KIAA1328: variants seen among roughly 807,000 people sequenced by gnomAD.
KIAA1328 encodes protein hinderin.
KIAA1328 carries 52 observed loss-of-function variants against 68.1 expected under a neutral mutation model. The ratio of observed to expected loss-of-function variants is 0.76; its 90% CI spans 0.61 to 0.96. The LOEUF (loss-of-function observed/expected upper bound fraction) is 0.96. Ranked by LOEUF, KIAA1328 falls within the 40% of genes least tolerant of loss-of-function variation. The pLI, the probability that KIAA1328 is intolerant of heterozygous loss-of-function variation, is 0.00. For missense variants in KIAA1328, 641 were observed against 677.6 expected, an observed-to-expected ratio of 0.95 and a Z score of 0.60; for synonymous variants, 232 against 239.4, an observed-to-expected ratio of 0.97 and a Z score of 0.28.
At chr18:37,171,860 G>T (rs1025479300) in intron 8 of KIAA1328, among the ~76,000 whole-genome samples, 1 of 152,158 alleles carries the variant, frequency 6.6e-6, no homozygotes, top group Non-Finnish European at 1.5e-5. Flanking sequence ...AGTGAGCTGG[G>T]ATTGCACCAC....
chr18:36,993,061 G>A (rs1021789242), intron 6 of KIAA1328, among the ~76,000 whole-genome samples: 5 of 152,094 alleles, frequency 3.3e-5, no homozygotes, highest in Non-Finnish European at 7.4e-5. Context: ...AGCTGAGATC[G>A]TAACACTGCA....
intron 6 of KIAA1328, among the ~76,000 whole-genome samples, chr18:37,002,217 C>CTT: frequency 8.3e-6 from 1 of 120,484 alleles, no homozygotes; most frequent in Admixed American, 1.0e-4. Context: ...TCTTTTTCTT[C>CTT]ATTTTTTTTT....
chr18:37,102,432 G>A (rs1391638250), intron 7 of KIAA1328, among the ~76,000 whole-genome samples: 1 of 152,106 alleles, frequency 6.6e-6, no homozygotes, highest in Non-Finnish European at 1.5e-5. Context: ...CTTAAAAGTT[G>A]AAGGAAAATG....
intron 6 of KIAA1328, among the ~76,000 whole-genome samples, chr18:36,973,365 C>A (rs1441768527): frequency 1.3e-5 from 2 of 151,948 alleles, no homozygotes; most frequent in African/African-American, 4.8e-5. Flanking sequence ...AGGAGGTATA[C>A]CTAATGTAAA....
Position 37,173,078 on chromosome 18 carries a change from C to A in KIAA1328, c.1520C>A (p.Ser507Tyr). 6.2e-7 allele frequency: 1 copy of A among 1,604,878 alleles called. No individual in the cohort carries two copies. The highest frequency in any genetic ancestry group is 8.5e-7 in the Non-Finnish European group (1 of 1,173,528). Residue 507 changes from serine to tyrosine, a missense_variant, in exon 9 of 10, where the codon TCC becomes TAC. Coordinates refer to ENST00000280020, the MANE Select transcript of KIAA1328 (RefSeq NM_020776.3). ...TASPSLQHTT[S>Y]RYETSLLDLV... ...TCACCATCATTACAGCACACCACCTCCCGGTAAGCTTCAGAGATTCTTTAG... is the reference window on the plus strand; with the variant it reads ...TCACCATCATTACAGCACACCACCTACCGGTAAGCTTCAGAGATTCTTTAG...
intron 7 of KIAA1328, among the ~76,000 whole-genome samples, chr18:37,141,339 G>A (rs777161025): frequency 1.2e-4 from 18 of 152,122 alleles, no homozygotes; most frequent in Non-Finnish European, 2.5e-4. Flanking sequence ...CATATAAGTA[G>A]AATCATACAA....
chr18:37,001,064 C>T (rs2053570340), intron 6 of KIAA1328, among the ~76,000 whole-genome samples: 1 of 151,656 alleles, frequency 6.6e-6, no homozygotes, highest in East Asian at 1.9e-4. Flanking sequence ...GAAATAGAGA[C>T]TTAAAAAACA....
At chr18:37,176,792 G>A (rs570459218) in intron 9 of KIAA1328, among the ~76,000 whole-genome samples, 2 of 152,342 alleles carry the variant, frequency 1.3e-5, no homozygotes, top group African/African-American at 4.8e-5. Context: ...AGTCTCCAGT[G>A]TGAAGCCAGA....
chr18:37,207,472 C>CA (rs2060237100), intron 9 of KIAA1328, among the ~76,000 whole-genome samples: 2 of 152,156 alleles, frequency 1.3e-5, no homozygotes, highest in South Asian at 4.1e-4. Flanking sequence ...TCAAAAGTGA[C>CA]CAAGGTCATG....
chr18:36,838,820 C>T (rs1246240), intron 3 of KIAA1328, among the ~76,000 whole-genome samples: 15,855 of 152,024 alleles, frequency 0.1, 2,790 homozygotes, highest in African/African-American at 0.36. Context: ...CTGCAACCTC[C>T]GCTTCCCAGG....
In KIAA1328 at chr18:36,853,953, C is replaced by T. The variant is rs538991725; in HGVS notation, c.332+9651C>T. On this transcript the variant is annotated intron_variant, in intron 4 of 9. Coordinates refer to ENST00000280020, the MANE Select transcript of KIAA1328 (RefSeq NM_020776.3). ...GATTATAGGCGTGAGCCACTGCACC[C>T]GGCCCACTGTGTGCTTTTTATGGGC... is the stretch of plus-strand genomic sequence containing the variant. 3.3e-4 allele frequency among the ~76,000 whole-genome samples: 50 copies of T among 152,204 alleles called. No homozygotes were observed. The South Asian group carries it at 4.4e-3, about 13-fold the overall frequency.
rs972465633 is a variant in KIAA1328, at chr18:36,905,115, A to C, written c.448+19443A>C. 4.0e-5 allele frequency among the ~76,000 whole-genome samples: 6 copies of C among 149,704 alleles called. 1 individual carries two copies. Among genetic ancestry groups the C allele is most frequent in the African/African-American group, 1.5e-4 (6 of 40,852 alleles). ...TATTTATTTATTTATTTATTTATTTATTTATTTATTTATTGAGACGGAGTC... is the reference window on the plus strand; with the variant it reads ...TATTTATTTATTTATTTATTTATTTCTTTATTTATTTATTGAGACGGAGTC... On this transcript the variant is annotated intron_variant, in intron 5 of 9. Transcript: ENST00000280020.
At chr18:37,189,316 A>T (rs1463357229) in intron 9 of KIAA1328, among the ~76,000 whole-genome samples, 1 of 152,104 alleles carries the variant, frequency 6.6e-6, no homozygotes, top group East Asian at 1.9e-4. Flanking sequence ...GGACAAGTCT[A>T]GAAAAGGTTA....
chr18:37,214,935 T>C (rs2060397618), intron 9 of KIAA1328, among the ~76,000 whole-genome samples: 1 of 152,260 alleles, frequency 6.6e-6, no homozygotes, highest in African/African-American at 2.4e-5. Context: ...AGTTCACTCA[T>C]GATTTGGCTC....
chr18:37,029,644 G>C (rs192305214), intron 6 of KIAA1328, among the ~76,000 whole-genome samples: 4 of 152,280 alleles, frequency 2.6e-5, no homozygotes, highest in African/African-American at 9.6e-5. Flanking sequence ...TATGTACCAA[G>C]TGCAGACATC....
intron 4 of KIAA1328, among the ~76,000 whole-genome samples, chr18:36,872,700 C>T (rs1158205575): frequency 1.3e-5 from 2 of 152,092 alleles, no homozygotes; most frequent in African/African-American, 4.8e-5. Context: ...AAATATGAGA[C>T]ATATGAAAAG....
At chr18:37,117,457 A>G (rs896207416) in intron 7 of KIAA1328, among the ~76,000 whole-genome samples, 5 of 152,170 alleles carry the variant, frequency 3.3e-5, no homozygotes, top group Non-Finnish European at 7.3e-5. Context: ...ACACTTGGAC[A>G]CAGCGGTAGC....
intron 6 of KIAA1328, among the ~76,000 whole-genome samples, chr18:36,970,852 TATC>T (rs2052171647): frequency 6.6e-6 from 1 of 152,212 alleles, no homozygotes; most frequent in Admixed American, 6.5e-5. Context: ...GAAGAATCAA[TATC>T]ATGAAAATGG....
At chr18:36,933,369 G>A (rs952500468) in intron 5 of KIAA1328, among the ~76,000 whole-genome samples, 1 of 152,146 alleles carries the variant, frequency 6.6e-6, no homozygotes, top group African/African-American at 2.4e-5. Flanking sequence ...TCCAATCAGT[G>A]GTGCTATGCT....
Sources: allele counts gnomAD v4.1 joint callset (sites outside exome capture counted in the v4.1 genomes callset), GRCh38; gene constraint gnomAD v4.1.1; transcripts MANE v1.5; gene names NCBI Gene and HGNC (gene_info 2026-07-23, HGNC 2026-07-21).